Variants in NEK11 observed in about 807,000 individuals in gnomAD.
NEK11 encodes serine/threonine-protein kinase Nek11.
Under a neutral mutation model 80.7 loss-of-function variants are expected in NEK11, and 72 were observed. The ratio of observed to expected loss-of-function variants is 0.89; its 90% CI spans 0.74 to 1.08. The LOEUF is 1.08. Among genes scored for constraint, NEK11 ranks in the 50% least tolerant of loss-of-function variants. The pLI, the probability that NEK11 is intolerant of heterozygous loss-of-function variation, is 0.00. For synonymous variants in NEK11, 251 were observed against 260.7 expected (o/e 0.96, Z 0.36); for missense variants, 764 against 763.6 (o/e 1.00, Z -0.01).
chr3:131,126,524 G>A (rs2083367394), intron 5 of NEK11, among the ~76,000 whole-genome samples: 1 of 152,142 alleles, frequency 6.6e-6, no homozygotes, highest in Admixed American at 6.5e-5. Context: ...TTTTGAAAAT[G>A]TTATCTCACT....
intron 14 of NEK11, among the ~76,000 whole-genome samples, chr3:131,220,115 GTTTGTTTTGT>G (rs773281972): frequency 1.3e-5 from 2 of 152,182 alleles, no homozygotes; most frequent in East Asian, 1.9e-4. Flanking sequence ...TTGGTTTTTT[GTTTGTTTTGT>G]TTTGTTTTGT....
At chr3:131,124,229 TTA>T (rs1250855533) in intron 5 of NEK11, among the ~76,000 whole-genome samples, 1 of 152,176 alleles carries the variant, frequency 6.6e-6, no homozygotes, top group African/African-American at 2.4e-5. Context: ...CTCATTGATG[TTA>T]GAAAAATTTC....
chr3:131,027,364 C>T lies in NEK11; in HGVS notation c.-170+358C>T, dbSNP rs554382017. 9.9e-5 allele frequency: 15 copies of T among 152,144 alleles called. No individual in the cohort carries two copies. The South Asian group carries it at 3.1e-3, about 32-fold the overall frequency. 9.4% of individuals were successfully genotyped at this position (152,144 alleles called of 1,614,324 possible). ...ACTGGTTTTCAACTTGTGATAAATACTCCTTCCGTTGTCTTTTGCCCCCAG... is the reference window on the plus strand; with the variant it reads ...ACTGGTTTTCAACTTGTGATAAATATTCCTTCCGTTGTCTTTTGCCCCCAG... On this transcript the variant is annotated intron_variant, in intron 1 of 17. Coordinates refer to ENST00000383366, the MANE Select transcript of NEK11 (RefSeq NM_024800.5).
intron 17 of NEK11, among the ~76,000 whole-genome samples, chr3:131,275,384 A>T (rs1408620406): frequency 2.0e-5 from 3 of 152,236 alleles, no homozygotes; most frequent in African/African-American, 7.2e-5. Context: ...CTAGCATATT[A>T]TGAAATGTTT....
chr3:131,104,427 A>G (rs550607970), intron 4 of NEK11, among the ~76,000 whole-genome samples: 29 of 152,100 alleles, frequency 1.9e-4, no homozygotes, highest in Non-Finnish European at 3.1e-4. Flanking sequence ...CTGGAGGCCA[A>G]TGACAGTTCT....
At chr3:131,074,766 G>C (rs78944596) in intron 3 of NEK11, among the ~76,000 whole-genome samples, 2 of 152,108 alleles carry the variant, frequency 1.3e-5, no homozygotes, top group African/African-American at 4.8e-5. Flanking sequence ...GCTCTAGACC[G>C]TGGATTTTGC....
intron 7 of NEK11, among the ~76,000 whole-genome samples, chr3:131,152,167 G>C (rs2089770510): frequency 1.3e-5 from 2 of 151,576 alleles, no homozygotes; most frequent in South Asian, 4.2e-4. Context: ...CTGTCATTCA[G>C]ACTTACTTTT....
intron 4 of NEK11, among the ~76,000 whole-genome samples, chr3:131,089,471 C>T (rs2076431758): frequency 6.6e-6 from 1 of 152,106 alleles, no homozygotes; most frequent in Non-Finnish European, 1.5e-5. Flanking sequence ...TGGAGTCTTG[C>T]TCTATTGCCC....
At chr3:131,269,700 GTAGTTTTTGAA>G (rs2096141056) in intron 16 of NEK11, among the ~76,000 whole-genome samples, 2 of 152,134 alleles carry the variant, frequency 1.3e-5, no homozygotes, top group Admixed American at 1.3e-4. Context: ...CCATCCAAAA[GTAGTTTTTGAA>G]AATTAACATG....
intron 17 of NEK11, among the ~76,000 whole-genome samples, chr3:131,311,963 G>GT (rs1189284834): frequency 6.6e-6 from 1 of 152,136 alleles, no homozygotes; most frequent in Non-Finnish European, 1.5e-5. Flanking sequence ...GTTGGGTAAC[G>GT]TATCTTAGGA....
At chr3:131,243,039 T>C (rs1368350516) in intron 15 of NEK11, among the ~76,000 whole-genome samples, 2 of 152,170 alleles carry the variant, frequency 1.3e-5, no homozygotes, top group Non-Finnish European at 2.9e-5. Context: ...CTGTATTGAC[T>C]AAATTGTAAA....
chr3:131,188,756 T>C (rs559422820), intron 14 of NEK11, among the ~76,000 whole-genome samples: 7 of 152,144 alleles, frequency 4.6e-5, no homozygotes, highest in Non-Finnish European at 1.0e-4. Flanking sequence ...AATCCAGTAG[T>C]GAGCAAGACA....
At chr3:131,232,246 C>T (rs2095344188) in intron 15 of NEK11, among the ~76,000 whole-genome samples, 2 of 152,154 alleles carry the variant, frequency 1.3e-5, no homozygotes, top group Admixed American at 1.3e-4. Context: ...CAGGGTTCTC[C>T]ACAACACTTG....
intron 17 of NEK11, among the ~76,000 whole-genome samples, chr3:131,311,094 T>C (rs906709478): frequency 1.3e-5 from 2 of 152,214 alleles, no homozygotes; most frequent in African/African-American, 4.8e-5. Context: ...TTAGGAGATT[T>C]AGAAGCCCTG....
At chr3:131,069,245 A>G (rs573971197) in intron 3 of NEK11, among the ~76,000 whole-genome samples, 107 of 152,308 alleles carry the variant, frequency 7.0e-4, no homozygotes, top group African/African-American at 2.4e-3. Flanking sequence ...ACTCAAGGAA[A>G]TGGAGCTAAT....
At chr3:131,303,286 G>A (rs1330316431) in intron 17 of NEK11, among the ~76,000 whole-genome samples, 2 of 152,070 alleles carry the variant, frequency 1.3e-5, no homozygotes, top group South Asian at 2.1e-4. Context: ...TATCCAACTC[G>A]ACACAGTGCC....
intron 17 of NEK11, among the ~76,000 whole-genome samples, chr3:131,347,891 A>G (rs571980209): frequency 2.0e-5 from 3 of 152,008 alleles, no homozygotes; most frequent in African/African-American, 7.2e-5. Flanking sequence ...GTGAGCTGAG[A>G]TCACACCAGT....
At chr3:131,222,954 T>C (rs1411497946) in intron 14 of NEK11, among the ~76,000 whole-genome samples, 3 of 152,250 alleles carry the variant, frequency 2.0e-5, no homozygotes, top group African/African-American at 7.2e-5. Context: ...TGTCTTCGTT[T>C]TTCCAGCATG....
In NEK11 at chr3:131,045,924, A is replaced by G. The variant is rs184977512; in HGVS notation, c.170+16046A>G. On this transcript the variant is annotated intron_variant, in intron 3 of 17. Transcript: ENST00000383366. ...TGTTTTGTCTGATATAAGAATAGCTACTCCTCCTTGCTTTTGGTGCCCATT... is the reference window on the plus strand; with the variant it reads ...TGTTTTGTCTGATATAAGAATAGCTGCTCCTCCTTGCTTTTGGTGCCCATT... 7.5e-3 allele frequency among the ~76,000 whole-genome samples: 1,135 copies of G among 151,144 alleles called. 6 individuals are homozygous for G. The highest frequency in any genetic ancestry group is 0.013 in the Non-Finnish European group (866 of 67,608).
Sources: allele counts gnomAD v4.1 joint callset (sites outside exome capture counted in the v4.1 genomes callset), GRCh38; gene constraint gnomAD v4.1.1; transcripts MANE v1.5; gene names NCBI Gene and HGNC (gene_info 2026-07-23, HGNC 2026-07-21).